Variants in ZNF385B observed in about 807,000 individuals in gnomAD.
The protein encoded by ZNF385B is zinc finger protein 533.
A neutral mutation model predicts 39.2 loss-of-function variants in ZNF385B; 23 were observed. The ratio of observed to expected loss-of-function variants is 0.59; its 90% CI spans 0.42 to 0.83. The LOEUF is 0.83. Among genes scored for constraint, ZNF385B ranks in the 40% least tolerant of loss-of-function variants. The pLI, the probability that ZNF385B is intolerant of heterozygous loss-of-function variation, is 0.00. For missense variants in ZNF385B, 552 were observed against 598.9 expected, an observed-to-expected ratio of 0.92 and a Z score of 0.82; for synonymous variants, 205 against 222.6, an observed-to-expected ratio of 0.92 and a Z score of 0.70.
At chr2:179,641,947 T>G (rs1227793064) in intron 3 of ZNF385B, among the ~76,000 whole-genome samples, 3 of 152,186 alleles carry the variant, frequency 2.0e-5, no homozygotes, top group African/African-American at 7.2e-5. Flanking sequence ...GGGAACAACG[T>G]GTGGCTCCCT....
intron 3 of ZNF385B, among the ~76,000 whole-genome samples, chr2:179,572,554 C>A (rs564305692): frequency 1.3e-5 from 2 of 152,026 alleles, no homozygotes; most frequent in South Asian, 4.1e-4. Context: ...AGAATACAGA[C>A]AAAAGAGGTA....
At chr2:179,643,808 ATCTC>A (rs1219624297) in intron 3 of ZNF385B, among the ~76,000 whole-genome samples, 2 of 151,978 alleles carry the variant, frequency 1.3e-5, no homozygotes, top group Admixed American at 6.6e-5. Context: ...AGTTTCATGA[ATCTC>A]TCTCTATATA....
At chr2:179,777,513 G>T (rs1241732717) in intron 1 of ZNF385B, among the ~76,000 whole-genome samples, 1 of 151,834 alleles carries the variant, frequency 6.6e-6, no homozygotes, top group African/African-American at 2.4e-5. Flanking sequence ...AATACTATTA[G>T]GATGGAAATC....
intron 3 of ZNF385B, among the ~76,000 whole-genome samples, chr2:179,714,951 A>AAAAAAAAAAAAAAAAAAC (rs1475019296): frequency 6.6e-6 from 1 of 150,528 alleles, no homozygotes; most frequent in African/African-American, 2.5e-5. Flanking sequence ...TCAAAAAAAA[A>AAAAAAAAAAAAAAAAAAC]AAAAAAAAAA....
chr2:179,541,963 T>C (rs1325670994), intron 4 of ZNF385B, among the ~76,000 whole-genome samples: 1 of 152,222 alleles, frequency 6.6e-6, no homozygotes, highest in Non-Finnish European at 1.5e-5. Context: ...AATAACTCTC[T>C]TTCTTCCTCT....
At chr2:179,619,837 T>C (rs565937057) in intron 3 of ZNF385B, among the ~76,000 whole-genome samples, 1 of 152,246 alleles carries the variant, frequency 6.6e-6, no homozygotes, top group African/African-American at 2.4e-5. Context: ...ACATTAACCA[T>C]AAAAATTACT....
chr2:179,649,254 G>A (rs956786008), intron 3 of ZNF385B, among the ~76,000 whole-genome samples: 4 of 152,154 alleles, frequency 2.6e-5, no homozygotes, highest in Admixed American at 6.5e-5. Flanking sequence ...AAAGAAGGCT[G>A]GATAGGCATG....
intron 3 of ZNF385B, among the ~76,000 whole-genome samples, chr2:179,597,008 A>G (rs1214273405): frequency 1.4e-4 from 22 of 152,150 alleles, no homozygotes; most frequent in Non-Finnish European, 2.9e-5. Flanking sequence ...TTTTGCCACT[A>G]TGTAACAAGG....
At chr2:179,638,993 C>A (rs1692010881) in intron 3 of ZNF385B, among the ~76,000 whole-genome samples, 1 of 151,816 alleles carries the variant, frequency 6.6e-6, no homozygotes, top group African/African-American at 2.4e-5. Context: ...TTAAGGCAGC[C>A]TGATTGGTTG....
chr2:179,510,266 A>C (rs532338777), intron 5 of ZNF385B, among the ~76,000 whole-genome samples: 13 of 145,000 alleles, frequency 9.0e-5, no homozygotes, highest in African/African-American at 3.0e-4. Context: ...TGAATATGCT[A>C]TCTATCTTAT....
intron 1 of ZNF385B, among the ~76,000 whole-genome samples, chr2:179,771,373 T>C (rs960001057): frequency 3.3e-5 from 5 of 152,228 alleles, no homozygotes; most frequent in African/African-American, 1.2e-4. Context: ...TTTATACCCA[T>C]ACATCCAATT....
intron 3 of ZNF385B, among the ~76,000 whole-genome samples, chr2:179,711,419 T>C (rs550626096): frequency 2.9e-4 from 44 of 152,238 alleles, no homozygotes; most frequent in African/African-American, 1.0e-3. Context: ...CCCAGGGAAA[T>C]AGTGGAAGAA....
chr2:179,589,344 C>A (rs1687364413), intron 3 of ZNF385B, among the ~76,000 whole-genome samples: 2 of 152,150 alleles, frequency 1.3e-5, no homozygotes, highest in Admixed American at 6.5e-5. Context: ...ACTGAATGAT[C>A]CAGCTTCCTG....
chr2:179,484,246 C>T (rs2054321986), intron 5 of ZNF385B, among the ~76,000 whole-genome samples: 1 of 151,798 alleles, frequency 6.6e-6, no homozygotes, highest in Non-Finnish European at 1.5e-5. Flanking sequence ...TCTGCCTAAA[C>T]AACAAGGCTT....
intron 3 of ZNF385B, among the ~76,000 whole-genome samples, chr2:179,733,640 G>A (rs941838019): frequency 3.9e-5 from 6 of 152,062 alleles, no homozygotes; most frequent in Non-Finnish European, 7.4e-5. Flanking sequence ...ACAATTAGCC[G>A]GGCGCGGTGG....
intron 6 of ZNF385B, among the ~76,000 whole-genome samples, chr2:179,471,313 A>G (rs193177095): frequency 1.2e-3 from 177 of 152,216 alleles, no homozygotes; most frequent in Non-Finnish European, 1.6e-3. Flanking sequence ...TTATTATAAA[A>G]ATAACTTCAC....
At position 179,540,504 on chromosome 2, in the gene ZNF385B, A is replaced by C. The variant is rs539407539; in HGVS notation, c.441+4323T>G. On this transcript the variant is annotated intron_variant, in intron 4 of 9. Transcript: ENST00000410066. Reference sequence around the variant, plus strand: ...AACAACAACAACAACAACAAAAAAAACCACAGTTTTCAGGAAAATATAAAT... The same window carrying C: ...AACAACAACAACAACAACAAAAAAACCCACAGTTTTCAGGAAAATATAAAT... Among the ~76,000 whole-genome samples the C allele has an allele frequency of 8.9e-3, 1,361 of 152,120 alleles. 20 individuals carry two copies. Among genetic ancestry groups the C allele is most frequent in the African/African-American group, 0.029 (1,201 of 41,478 alleles).
At chr2:179,692,980 C>T (rs1422994615) in intron 3 of ZNF385B, among the ~76,000 whole-genome samples, 1 of 152,198 alleles carries the variant, frequency 6.6e-6, no homozygotes, top group African/African-American at 2.4e-5. Flanking sequence ...GGTCCCTGCA[C>T]CAGCAGTGTC....
At chr2:179,727,085 A>G (rs1701070338) in intron 3 of ZNF385B, among the ~76,000 whole-genome samples, 1 of 152,074 alleles carries the variant, frequency 6.6e-6, no homozygotes, top group Admixed American at 6.6e-5. Context: ...CTCAGACTAT[A>G]GCGATGAGTT....
Sources: allele counts gnomAD v4.1 joint callset (sites outside exome capture counted in the v4.1 genomes callset), GRCh38; gene constraint gnomAD v4.1.1; transcripts MANE v1.5; gene names NCBI Gene and HGNC (gene_info 2026-07-23, HGNC 2026-07-21).